The following PSPC1 variants were observed in gnomAD, a reference collection of about 807,000 sequenced individuals.
PSPC1 encodes paraspeckle protein 1.
A neutral mutation model predicts 51.6 loss-of-function variants in PSPC1; 14 were observed. That is an observed-to-expected ratio of 0.27 (90% confidence interval 0.18 to 0.42). The LOEUF is 0.42. Ranked by LOEUF, PSPC1 falls within the 10% of genes least tolerant of loss-of-function variation. The probability of loss-of-function intolerance (pLI) is 1.00; values close to 1 mark genes in which losing one functional copy is unlikely to be tolerated. For missense variants in PSPC1, 406 were observed against 701.1 expected (o/e 0.58, Z 4.75); for synonymous variants, 193 against 231.9 (o/e 0.83, Z 1.53).
At chr13:19,751,230 A>G in intron 4 of PSPC1, 41 bp downstream of exon 4, 1 of 1,482,102 alleles carries the variant, frequency 6.7e-7, no homozygotes, top group Non-Finnish European at 9.0e-7. Context: ...CTTAAGGGAA[A>G]AAAAAAATCA....
chr13:19,671,322 A>G (rs772252552), downstream of PSPC1: 3 of 1,560,760 alleles, frequency 1.9e-6, no homozygotes, highest in Middle Eastern at 1.7e-4. Flanking sequence ...TAGTGTCACT[A>G]CTCAAGTTGT....
intron 6 of PSPC1, among the ~76,000 whole-genome samples, chr13:19,695,366 T>C (rs1030070882): frequency 3.9e-5 from 6 of 152,338 alleles, no homozygotes; most frequent in South Asian, 2.1e-4. Context: ...AACACACTTT[T>C]CTACATTGTA....
intron 5 of PSPC1, among the ~76,000 whole-genome samples, chr13:19,733,684 A>T (rs550031071): frequency 6.6e-6 from 1 of 151,958 alleles, no homozygotes; most frequent in East Asian, 1.9e-4. Flanking sequence ...AATCGCTGGA[A>T]CCTGGGAGGC....
At chr13:19,760,765 G>A (rs1317902108) in intron 2 of PSPC1, among the ~76,000 whole-genome samples, 1 of 151,274 alleles carries the variant, frequency 6.6e-6, no homozygotes, top group East Asian at 2.0e-4. Flanking sequence ...GAGGCGGGTG[G>A]ATCACAAGAT....
At chr13:19,746,009 G>GTTTTTTT (rs1193097882) in intron 4 of PSPC1, among the ~76,000 whole-genome samples, 2 of 104,096 alleles carry the variant, frequency 1.9e-5, no homozygotes, top group Admixed American at 9.7e-5. Context: ...TTTGTTTTTT[G>GTTTTTTT]TTTTTTTTTT....
At position 19,772,127 on chromosome 13, in the gene PSPC1, A is replaced by C. The variant is rs112788671; in HGVS notation, c.674+115T>G. The C allele has an allele frequency of 7.1e-6, 8 of 1,127,826 alleles. No homozygotes were observed. In the African/African-American group the frequency reaches 7.8e-5, roughly 11 times the overall value. The allele number at this position is 1,127,826 out of a possible 1,614,324, so 69.9% of individuals were successfully genotyped here. A position where few individuals can be genotyped will look rare whatever the true frequency, so the allele number is the denominator to read the frequency against. Reference sequence around the variant, plus strand: ...TCTTATTTATATTCACTGAATATTTACTCAACACCTACTTACCATATGCTA... The same window carrying C: ...TCTTATTTATATTCACTGAATATTTCCTCAACACCTACTTACCATATGCTA... On this transcript the variant is annotated intron_variant, in intron 2 of 8. Coordinates refer to ENST00000338910, the MANE Select transcript of PSPC1 (RefSeq NM_001354909.2).
At chr13:19,688,202 G>C (rs1456438174) in intron 6 of PSPC1, among the ~76,000 whole-genome samples, 1 of 151,690 alleles carries the variant, frequency 6.6e-6, no homozygotes, top group East Asian at 1.9e-4. Flanking sequence ...TCTCTTTGCC[G>C]AACTCCCTGT....
chr13:19,672,817 T>C, downstream of PSPC1: 1 of 283,552 alleles, frequency 3.5e-6, no homozygotes, highest in Non-Finnish European at 7.0e-6. Context: ...TGTGAACTTT[T>C]AGCAGAGCGT....
At chr13:19,755,022 C>G (rs1886927894) in intron 3 of PSPC1, among the ~76,000 whole-genome samples, 2 of 151,948 alleles carry the variant, frequency 1.3e-5, no homozygotes, top group Admixed American at 1.3e-4. Context: ...CGCTTGAGCC[C>G]AGGAGTTCGA....
intron 8 of PSPC1, among the ~76,000 whole-genome samples, chr13:19,704,784 C>T (rs1351558650): frequency 1.3e-5 from 2 of 152,022 alleles, no homozygotes; most frequent in Non-Finnish European, 2.9e-5. Context: ...ATTTAATCCA[C>T]ACAAAGATAT....
At chr13:19,768,661 GA>G (rs374182985) in intron 2 of PSPC1, among the ~76,000 whole-genome samples, 1 of 143,658 alleles carries the variant, frequency 7.0e-6, no homozygotes, top group Non-Finnish European at 1.5e-5. Context: ...TAAAAGAAAA[GA>G]AAAAAAAATG....
At chr13:19,733,786 A>AATATATAT (rs777146075) in intron 5 of PSPC1, among the ~76,000 whole-genome samples, 1 of 141,790 alleles carries the variant, frequency 7.1e-6, no homozygotes, top group African/African-American at 2.6e-5. Flanking sequence ...AAGAAAAAAA[A>AATATATAT]ATATATATAT....
intron 1 of PSPC1, among the ~76,000 whole-genome samples, chr13:19,773,160 G>A (rs1888778071): frequency 6.6e-6 from 1 of 151,038 alleles, no homozygotes; most frequent in Admixed American, 6.6e-5. Flanking sequence ...ACTCTGTCTC[G>A]GAAAAAATAA....
Position 19,782,842 on chromosome 13 carries a change from C to T in PSPC1, c.-85G>A, listed in dbSNP as rs1890124452. ...ATATATGTATACGTCTCTACATAAA[C>T]CTATGCCAACAAAATATCGACAATC... On this transcript the variant is annotated 5_prime_UTR_variant, in exon 1 of 9. Transcript: ENST00000338910. The surrounding 1 kb of genome is among the most constrained non-coding windows in gnomAD (Gnocchi z 4.5). 5.9e-6 allele frequency: 8 copies of T among 1,347,464 alleles called. No individual in the cohort carries two copies. Among genetic ancestry groups the T allele is most frequent in the Non-Finnish European group, 7.6e-6 (8 of 1,046,388 alleles). 83.5% of individuals were successfully genotyped at this position (1,347,464 alleles called of 1,614,324 possible). A position where few individuals can be genotyped will look rare whatever the true frequency, so the allele number is the denominator to read the frequency against.
chr13:19,671,799 T>C (rs762749155), downstream of PSPC1: 5 of 1,607,430 alleles, frequency 3.1e-6, no homozygotes, highest in South Asian at 1.1e-5. Flanking sequence ...GAAATCTGGA[T>C]CTGTACTGAC....
chr13:19,683,532 A>G (rs983580695), intron 6 of PSPC1, among the ~76,000 whole-genome samples: 2 of 152,260 alleles, frequency 1.3e-5, no homozygotes, highest in African/African-American at 4.8e-5. Context: ...AAAGGAGCTC[A>G]TAAGACCTTA....
downstream of PSPC1, among the ~76,000 whole-genome samples, chr13:19,701,015 G>A (rs1474613265): frequency 2.0e-5 from 3 of 152,284 alleles, no homozygotes; most frequent in Non-Finnish European, 2.9e-5. Context: ...TCACTCAGAA[G>A]CTGACTGCTC....
intron 7 of PSPC1, among the ~76,000 whole-genome samples, chr13:19,708,644 G>A (rs755158071): frequency 2.6e-5 from 4 of 152,102 alleles, no homozygotes; most frequent in East Asian, 1.9e-4. Flanking sequence ...ATGCATTGGC[G>A]ACACACATAA....
chr13:19,767,947 A>G lies in PSPC1; in HGVS notation c.674+4295T>C, dbSNP rs189897536. Among the ~76,000 whole-genome samples, 74 of 152,242 alleles carry G rather than the reference A, an allele frequency of 4.9e-4. 2 individuals carry two copies. In the East Asian group the frequency reaches 0.013, roughly 27 times the overall value. ...AAAGTTAAAAAACTTTACAGATGCA[A>G]TGGCTCACACCTGTAATTCCAGCAC... On this transcript the variant is annotated intron_variant, in intron 2 of 8. Coordinates refer to ENST00000338910, the MANE Select transcript of PSPC1 (RefSeq NM_001354909.2).
Sources: gnomAD v4.1 joint callset for allele counts (sites outside exome capture counted in the v4.1 genomes callset) on GRCh38, gnomAD v4.1.1 for gene constraint, Gnocchi (gnomAD v3.1) non-coding constraint, MANE v1.5 for transcripts, NCBI Gene and HGNC (gene_info 2026-07-23, HGNC 2026-07-21) for gene names.